The following CHODL variants were observed in gnomAD, a reference collection of about 807,000 sequenced individuals.
The protein encoded by CHODL is chondrolectin, also known as transmembrane protein MT75.
In CHODL, 29 loss-of-function variants were observed where a neutral mutation model predicts 34.5. That is an observed-to-expected ratio of 0.84 (90% CI 0.63 to 1.15). The LOEUF (loss-of-function observed/expected upper bound fraction) is 1.15, where lower values mean the gene tolerates loss of function less well. Among genes scored for constraint, CHODL ranks in the 50% most tolerant of loss-of-function variants. The pLI is 0.00. For synonymous variants in CHODL, 125 were observed against 116.1 expected (o/e 1.08, Z -0.49); for missense variants, 332 against 332.5 (o/e 1.00, Z 0.01).
intron 2 of CHODL, among the ~76,000 whole-genome samples, chr21:18,178,128 C>A (rs1174700778): frequency 6.6e-6 from 1 of 152,084 alleles, no homozygotes; most frequent in South Asian, 2.1e-4. Context: ...ACCACTTTTA[C>A]AATATAATTT....
chr21:18,025,868 T>A (rs2064169963), intron 1 of CHODL, among the ~76,000 whole-genome samples: 1 of 152,162 alleles, frequency 6.6e-6, no homozygotes, highest in African/African-American at 2.4e-5. Context: ...CCTGTTCTTA[T>A]AAGGACCCGA....
At chr21:18,083,100 T>C (rs2064961819) in intron 2 of CHODL, among the ~76,000 whole-genome samples, 1 of 152,190 alleles carries the variant, frequency 6.6e-6, no homozygotes, top group African/African-American at 2.4e-5. Context: ...GAAAAAATTG[T>C]TTCATGGGCT....
intron 1 of CHODL, among the ~76,000 whole-genome samples, chr21:18,009,698 C>G (rs989917855): frequency 4.6e-5 from 7 of 151,930 alleles, no homozygotes; most frequent in African/African-American, 1.7e-4. Flanking sequence ...AACACCCTGG[C>G]TAACATGGTG....
rs1037900754 is a variant in CHODL at position 17,954,867 on chromosome 21, A to T, written c.-145+37467A>T. Among the ~76,000 whole-genome samples, 2 of 123,240 alleles carry T rather than the reference A, an allele frequency of 1.6e-5. 1 individual carries two copies. The highest frequency in any genetic ancestry group is 3.5e-5 in the Non-Finnish European group (2 of 56,418). 80.9% of individuals were successfully genotyped at this position (123,240 alleles called of 152,430 possible). On this transcript the variant is annotated intron_variant, in intron 1 of 6. Coordinates refer to the CHODL transcript ENST00000400127. ...TTTAAAATATAAATATATAATTCTT[A>T]TATATTTATATTTTAAATTAAATCA... is the stretch of plus-strand genomic sequence containing the variant.
At chr21:17,923,874 A>C (rs561782797) in intron 1 of CHODL, among the ~76,000 whole-genome samples, 1 of 152,246 alleles carries the variant, frequency 6.6e-6, no homozygotes, top group Non-Finnish European at 1.5e-5. Flanking sequence ...AAAGATGGCA[A>C]CACAAAGATA....
At chr21:18,243,175 A>C (rs2074098022), upstream of CHODL, among the ~76,000 whole-genome samples, 1 of 152,168 alleles carries the variant, frequency 6.6e-6, no homozygotes, top group Non-Finnish European at 1.5e-5. Flanking sequence ...ATGACACTTG[A>C]TTCATCCTTC....
chr21:17,957,391 G>A (rs555132688), intron 1 of CHODL, among the ~76,000 whole-genome samples: 6 of 152,020 alleles, frequency 3.9e-5, no homozygotes, highest in South Asian at 2.1e-4. Context: ...TTTAAACTTC[G>A]TACTCTTCCT....
intron 2 of CHODL, among the ~76,000 whole-genome samples, chr21:18,076,603 G>C (rs1368812822): frequency 6.6e-6 from 1 of 152,204 alleles, no homozygotes; most frequent in Non-Finnish European, 1.5e-5. Flanking sequence ...GAATGAGAGA[G>C]CCTATCTGGG....
chr21:18,213,153 A>C (rs2073790588), intron 2 of CHODL, among the ~76,000 whole-genome samples: 2 of 152,142 alleles, frequency 1.3e-5, no homozygotes. Flanking sequence ...GATTTGATCG[A>C]AGATACATCT....
At chr21:18,065,021 A>T (rs1387378351) in intron 2 of CHODL, among the ~76,000 whole-genome samples, 2 of 152,214 alleles carry the variant, frequency 1.3e-5, no homozygotes, top group Non-Finnish European at 2.9e-5. Flanking sequence ...GACTCCAATC[A>T]TGCTTCTGAT....
chr21:17,947,922 T>C (rs532874700), intron 1 of CHODL, among the ~76,000 whole-genome samples: 22 of 152,222 alleles, frequency 1.4e-4, no homozygotes, highest in African/African-American at 5.3e-4. Flanking sequence ...CAGCAGATGA[T>C]TGGATAAAGA....
At chr21:18,008,257 C>A (rs1347721668) in intron 1 of CHODL, among the ~76,000 whole-genome samples, 1 of 151,608 alleles carries the variant, frequency 6.6e-6, no homozygotes, top group Non-Finnish European at 1.5e-5. Context: ...ACCCATGATA[C>A]CGTCATCACA....
chr21:17,953,969 A>G (rs967571364), intron 1 of CHODL, among the ~76,000 whole-genome samples: 4 of 152,204 alleles, frequency 2.6e-5, no homozygotes, highest in Admixed American at 2.6e-4. Context: ...AGACTGTGCC[A>G]CTGCACTCCA....
chr21:18,258,687 T>A (rs1377269115), intron 3 of CHODL, among the ~76,000 whole-genome samples: 1 of 151,960 alleles, frequency 6.6e-6, no homozygotes, highest in Non-Finnish European at 1.5e-5. Flanking sequence ...TTTTATGTAG[T>A]TTTTGTTTTG....
At chr21:18,054,613 T>TGTTGGTAAA (rs2064556616) in intron 2 of CHODL, among the ~76,000 whole-genome samples, 1 of 151,852 alleles carries the variant, frequency 6.6e-6, no homozygotes, top group African/African-American at 2.4e-5. Flanking sequence ...GGTGTAAGGA[T>TGTTGGTAAA]GGATAAAAAG....
intron 2 of CHODL, among the ~76,000 whole-genome samples, chr21:18,137,079 G>A (rs2072742709): frequency 6.6e-6 from 1 of 152,070 alleles, no homozygotes; most frequent in South Asian, 2.1e-4. Flanking sequence ...TGAGTAGCCT[G>A]AAGTCTTCCT....
chr21:18,048,922 A>AT (rs200208617), intron 2 of CHODL, among the ~76,000 whole-genome samples: 32 of 151,908 alleles, frequency 2.1e-4, no homozygotes, highest in African/African-American at 4.8e-4. Context: ...AGAACTTCAC[A>AT]TTTTTTTAAA....
At chr21:18,196,845 T>C (rs1263975259) in intron 2 of CHODL, among the ~76,000 whole-genome samples, 1 of 152,146 alleles carries the variant, frequency 6.6e-6, no homozygotes, top group Non-Finnish European at 1.5e-5. Context: ...GTGATGTTAG[T>C]GAAAGGTTAC....
chr21:18,232,207 G>A (rs1386160099), intron 2 of CHODL, among the ~76,000 whole-genome samples: 2 of 151,818 alleles, frequency 1.3e-5, no homozygotes, highest in Non-Finnish European at 2.9e-5. Context: ...TCTTATTCAA[G>A]CAGTAATATT....
Sources: gnomAD v4.1 joint callset for allele counts (sites outside exome capture counted in the v4.1 genomes callset) on GRCh38, gnomAD v4.1.1 for gene constraint, MANE v1.5 for transcripts, NCBI Gene and HGNC (gene_info 2026-07-23, HGNC 2026-07-21) for gene names.